CRACDL: variants seen among roughly 807,000 people sequenced by gnomAD.
CRACDL encodes the protein CRACD-like protein.
A neutral mutation model predicts 70.6 loss-of-function variants in CRACDL; 26 were observed. The ratio of observed to expected loss-of-function variants is 0.37; its 90% CI spans 0.27 to 0.51. CRACDL has a LOEUF of 0.51. Among genes scored for constraint, CRACDL ranks in the 20% least tolerant of loss-of-function variants. CRACDL has a pLI of 0.94. For missense variants in CRACDL, 1,283 were observed against 1,376.9 expected, an observed-to-expected ratio of 0.93 and a Z score of 1.08; for synonymous variants, 618 against 615.2, an observed-to-expected ratio of 1.00 and a Z score of -0.07.
chr2:98,918,836 C>T (rs1283701997), intron 1 of CRACDL, among the ~76,000 whole-genome samples: 1 of 152,060 alleles, frequency 6.6e-6, no homozygotes, highest in Non-Finnish European at 1.5e-5. Flanking sequence ...GGATATTAGT[C>T]CCCTATTGGA....
chr2:98,837,780 C>T (rs996908489), intron 3 of CRACDL, among the ~76,000 whole-genome samples: 1 of 152,098 alleles, frequency 6.6e-6, no homozygotes. Flanking sequence ...CATCTAGGTC[C>T]TCAAAAGAGT....
chr2:98,818,521 G>C (rs1271156142), intron 7 of CRACDL, among the ~76,000 whole-genome samples: 3 of 152,194 alleles, frequency 2.0e-5, no homozygotes, highest in African/African-American at 7.2e-5. Context: ...GGGAGGACGG[G>C]GGAGGTGGCA....
At chr2:98,887,341 T>C (rs1707826767) in intron 1 of CRACDL, among the ~76,000 whole-genome samples, 1 of 151,870 alleles carries the variant, frequency 6.6e-6, no homozygotes, top group African/African-American at 2.4e-5. Flanking sequence ...AATTAAAAAT[T>C]GGCCAAACAT....
intron 1 of CRACDL, among the ~76,000 whole-genome samples, chr2:98,933,207 G>A (rs1709125711): frequency 1.3e-5 from 2 of 152,200 alleles, no homozygotes. Context: ...GTGAGCCGGA[G>A]GCTCCATGTG....
At chr2:98,876,913 G>C (rs1707501126) in intron 1 of CRACDL, among the ~76,000 whole-genome samples, 2 of 152,348 alleles carry the variant, frequency 1.3e-5, no homozygotes, top group South Asian at 4.1e-4. Flanking sequence ...TAAGTCTACT[G>C]TCTAATGGGA....
At chr2:98,848,374 G>A (rs1439450477) in intron 1 of CRACDL, among the ~76,000 whole-genome samples, 1 of 152,082 alleles carries the variant, frequency 6.6e-6, no homozygotes, top group Non-Finnish European at 1.5e-5. Flanking sequence ...TAGCTGCCGG[G>A]GATTCAATGG....
chr2:98,887,175 G>A (rs1707820102), intron 1 of CRACDL, among the ~76,000 whole-genome samples: 1 of 152,148 alleles, frequency 6.6e-6, no homozygotes, highest in Admixed American at 6.6e-5. Context: ...GCCAATTTAA[G>A]GCATCGAAAA....
intron 1 of CRACDL, among the ~76,000 whole-genome samples, chr2:98,870,945 C>G (rs1707322760): frequency 6.6e-6 from 1 of 152,232 alleles, no homozygotes; most frequent in Non-Finnish European, 1.5e-5. Flanking sequence ...CGAAGGGAGG[C>G]GCTGTCACAT....
chr2:98,804,577 ACTAGGTTTTCTTGGTGATT>A (rs1575324007), intron 7 of CRACDL, among the ~76,000 whole-genome samples: 1 of 152,068 alleles, frequency 6.6e-6, no homozygotes, highest in East Asian at 1.9e-4. Context: ...ATTTTGGGGC[ACTAGGTTTTCTTGGTGATT>A]CTGCTGGTTA....
chr2:98,931,130 G>A (rs1399237284), intron 1 of CRACDL, among the ~76,000 whole-genome samples: 2 of 152,210 alleles, frequency 1.3e-5, no homozygotes. Flanking sequence ...ATCGAGACCA[G>A]CCTGGCTAAC....
At chr2:98,873,428 C>T (rs753783939) in intron 1 of CRACDL, among the ~76,000 whole-genome samples, 1 of 152,212 alleles carries the variant, frequency 6.6e-6, no homozygotes, top group Non-Finnish European at 1.5e-5. Flanking sequence ...CTTCTGGGCT[C>T]CACTACCTCT....
intron 1 of CRACDL, among the ~76,000 whole-genome samples, chr2:98,868,503 C>T (rs1052561845): frequency 1.3e-5 from 2 of 152,208 alleles, no homozygotes; most frequent in Non-Finnish European, 2.9e-5. Context: ...AGTCAAAATG[C>T]ACTGAGAGCC....
intron 7 of CRACDL, among the ~76,000 whole-genome samples, chr2:98,805,673 T>C (rs1704261804): frequency 6.6e-6 from 1 of 152,146 alleles, no homozygotes; most frequent in African/African-American, 2.4e-5. Flanking sequence ...CTTTGCAGCC[T>C]AGGGGCAAAC....
intron 1 of CRACDL, among the ~76,000 whole-genome samples, chr2:98,886,992 C>T (rs78011077): frequency 4.6e-5 from 7 of 151,992 alleles, no homozygotes; most frequent in African/African-American, 1.2e-4. Context: ...GAGAATGATG[C>T]CTCATCAAAT....
chr2:98,804,913 G>C (rs1451279212), intron 7 of CRACDL, among the ~76,000 whole-genome samples: 1 of 152,214 alleles, frequency 6.6e-6, no homozygotes, highest in Non-Finnish European at 1.5e-5. Flanking sequence ...AGCTTGCAGT[G>C]ACTTCTCAGA....
intron 1 of CRACDL, among the ~76,000 whole-genome samples, chr2:98,903,124 A>C (rs1708321721): frequency 6.6e-6 from 1 of 152,014 alleles, no homozygotes; most frequent in South Asian, 2.1e-4. Context: ...GCTCCTTAGG[A>C]GACCTAACCT....
intron 1 of CRACDL, among the ~76,000 whole-genome samples, chr2:98,849,678 C>A (rs919235908): frequency 6.6e-6 from 1 of 152,018 alleles, no homozygotes. Context: ...CCAAGACCAC[C>A]AAGACCACCA....
intron 1 of CRACDL, among the ~76,000 whole-genome samples, chr2:98,921,575 C>G (rs1222204240): frequency 6.6e-6 from 1 of 152,198 alleles, no homozygotes; most frequent in African/African-American, 2.4e-5. Flanking sequence ...TAGGACCAAC[C>G]CCACTCCCCT....
intron 1 of CRACDL, among the ~76,000 whole-genome samples, chr2:98,885,048 T>C (rs1016433648): frequency 9.2e-5 from 14 of 152,124 alleles, no homozygotes; most frequent in African/African-American, 2.9e-4. Flanking sequence ...AGCAAGAGGG[T>C]GCAGGGCATA....
Sources: gnomAD v4.1 joint callset for allele counts (sites outside exome capture counted in the v4.1 genomes callset) on GRCh38, gnomAD v4.1.1 for gene constraint, MANE v1.5 for transcripts, NCBI Gene and HGNC (gene_info 2026-07-23, HGNC 2026-07-21) for gene names.